Variants in TCEA2 observed in about 807,000 individuals in gnomAD.
TCEA2 encodes transcription elongation factor A protein 2.
A neutral mutation model predicts 40.8 loss-of-function variants in TCEA2; 21 were observed. The ratio of observed to expected loss-of-function variants is 0.51; its 90% CI spans 0.36 to 0.74. The LOEUF is 0.74. Among genes scored for constraint, TCEA2 ranks in the 30% least tolerant of loss-of-function variants. The pLI is 0.00. For missense variants in TCEA2, 326 were observed against 426.5 expected, an observed-to-expected ratio of 0.76 and a Z score of 2.08; for synonymous variants, 165 against 162.7, an observed-to-expected ratio of 1.01 and a Z score of -0.11.
At chr20:64,064,784 T>C (rs2059648574) in intron 1 of TCEA2, among the ~76,000 whole-genome samples, 2 of 152,110 alleles carry the variant, frequency 1.3e-5, no homozygotes, top group African/African-American at 4.8e-5. Flanking sequence ...ATCATTGCGT[T>C]CACACACACC....
upstream of TCEA2, among the ~76,000 whole-genome samples, chr20:64,058,565 C>T (rs994042920): frequency 3.3e-5 from 5 of 152,208 alleles, no homozygotes; most frequent in South Asian, 2.1e-4. The surrounding 1 kb of genome is among the most constrained non-coding windows in gnomAD (Gnocchi z 6.7). Context: ...CAGCAAGGGC[C>T]GAGTCCCAGT....
intron 8 of TCEA2, 144 bp from the exon 9 acceptor site, chr20:64,071,726 G>A: frequency 1.2e-6 from 1 of 863,866 alleles, no homozygotes; most frequent in Non-Finnish European, 1.8e-6. Context: ...GCTCAGCTTT[G>A]GAAGGTTGGA....
chr20:64,068,758 A>C (rs529694289), intron 4 of TCEA2, among the ~76,000 whole-genome samples: 7 of 152,244 alleles, frequency 4.6e-5, no homozygotes, highest in Non-Finnish European at 1.0e-4. Flanking sequence ...GCTTCTGCCA[A>C]CTTCCACAGA....
upstream of TCEA2, among the ~76,000 whole-genome samples, chr20:64,061,096 CTTTTT>C (rs71197441): frequency 1.3e-4 from 8 of 60,528 alleles, no homozygotes; most frequent in African/African-American, 5.2e-4. Context: ...CAGCCTGAGT[CTTTTT>C]TTTTTTTTTT....
chr20:64,061,436 C>T (rs6122049), upstream of TCEA2, among the ~76,000 whole-genome samples: 30,486 of 152,040 alleles, frequency 0.2, 3,358 homozygotes, highest in South Asian at 0.26. Context: ...CCACCACGCC[C>T]GGCTAATTTT....
chr20:64,070,078 G>T, intron 6 of TCEA2, 182 bp from the exon 7 acceptor site: 1 of 981,126 alleles, frequency 1.0e-6, no homozygotes, highest in Admixed American at 2.2e-5. Flanking sequence ...GTCAGGAATG[G>T]GCCTGGGGCA....
intron 6 of TCEA2, 122 bp from the exon 7 acceptor site, chr20:64,070,138 C>T: frequency 6.9e-7 from 1 of 1,452,516 alleles, no homozygotes; most frequent in East Asian, 2.3e-5. Flanking sequence ...GGTGGGCAGA[C>T]CGACCCCTGT....
intron 1 of TCEA2, chr20:64,066,102 G>GC: frequency 1.6e-5 from 3 of 182,142 alleles, no homozygotes; most frequent in Non-Finnish European, 3.5e-5. Context: ...GGCTGCTGGG[G>GC]AGGGGCCGTG....
intron 6 of TCEA2, 95 bp from the exon 7 acceptor site, chr20:64,070,165 T>C: frequency 6.4e-7 from 1 of 1,558,788 alleles, no homozygotes; most frequent in Non-Finnish European, 8.7e-7. Flanking sequence ...GGGCAGAACC[T>C]TTCCAGCCCC....
At chr20:64,066,642 C>G in intron 2 of TCEA2, 104 bp downstream of exon 2, 3 of 1,325,642 alleles carry the variant, frequency 2.3e-6, no homozygotes, top group Non-Finnish European at 1.1e-6. Context: ...CCCCACCAGG[C>G]CTTAGTTGGC....
At chr20:64,070,232 C>T (rs775940365) in intron 6 of TCEA2, 28 bp from the exon 7 acceptor site, 58 of 1,612,128 alleles carry the variant, frequency 3.6e-5, no homozygotes, top group Non-Finnish European at 4.3e-5. Context: ...CGACGTTGTC[C>T]TCAGGTGGGT....
In TCEA2 at chr20:64,066,926, C is replaced by A; in HGVS notation, c.147C>A (p.Val49=). Residue 49 remains valine (V), a synonymous_variant, in exon 3 of 10, where the codon GTC becomes GTA. Transcript: ENST00000343484. ...CACTTGCCTCGTAGTCCACCCGAGTCGGGATGTCTGTCAACGCCCTTCGGA... is the reference window on the plus strand; with the variant it reads ...CACTTGCCTCGTAGTCCACCCGAGTAGGGATGTCTGTCAACGCCCTTCGGA... ...ITLHLLQSTR[V]GMSVNALRKQ... The A allele has an allele frequency of 6.2e-7, 1 of 1,613,914 alleles. No homozygotes were observed. The highest frequency in any genetic ancestry group is 8.5e-7 in the Non-Finnish European group (1 of 1,179,942).
chr20:64,055,788 T>A (rs2059467329), upstream of TCEA2, among the ~76,000 whole-genome samples: 1 of 152,266 alleles, frequency 6.6e-6, no homozygotes, highest in South Asian at 2.1e-4. The surrounding 1 kb of genome is among the most constrained non-coding windows in gnomAD (Gnocchi z 4.0). Context: ...GCTCTGCTTC[T>A]GCCGCGGCGG....
At position 64,063,202 on chromosome 20, in the gene TCEA2, C is replaced by A; in HGVS notation, c.-111C>A. 1 of 970,816 alleles carries A rather than the reference C, an allele frequency of 1.0e-6. No individual in the cohort carries two copies. The highest frequency in any genetic ancestry group is 1.3e-6 in the Non-Finnish European group (1 of 749,080). The allele number at this position is 970,816 out of a possible 1,614,324, so 60.1% of individuals were successfully genotyped here. On this transcript the variant is annotated 5_prime_UTR_variant, in exon 1 of 10. Transcript: ENST00000343484. ...TGAACCGGGGGTCTGTCGTCCGCGG[C>A]GGGGCTGCGTCGGCTGCGGCGGGTG...
At chr20:64,068,163 A>C in intron 4 of TCEA2, 29 bp downstream of exon 4, 1 of 1,571,788 alleles carries the variant, frequency 6.4e-7, no homozygotes, top group Non-Finnish European at 8.7e-7. Context: ...AGGTGCACAC[A>C]CTTCTGCTTC....
chr20:64,058,284 G>A (rs929585426), upstream of TCEA2, among the ~76,000 whole-genome samples: 5 of 152,178 alleles, frequency 3.3e-5, no homozygotes, highest in African/African-American at 7.2e-5. This position sits in a 1 kb window ranked among gnomAD's most constrained non-coding sequence, Gnocchi z 6.7. Context: ...GGCTCCCCAC[G>A]TGCCCTAATG....
upstream of TCEA2, among the ~76,000 whole-genome samples, chr20:64,061,603 G>A (rs530613219): frequency 6.6e-6 from 1 of 151,926 alleles, no homozygotes; most frequent in South Asian, 2.1e-4. Context: ...CAGAGACAGG[G>A]TTTCACCATG....
intron 9 of TCEA2, 70 bp from the exon 10 acceptor site, chr20:64,072,102 C>G: frequency 6.2e-7 from 1 of 1,605,648 alleles, no homozygotes; most frequent in Non-Finnish European, 8.5e-7. Flanking sequence ...TTGGGTGAGC[C>G]TGTGCGGCCT....
Position 64,066,473 on chromosome 20 carries a change from C to T in TCEA2, c.73-3C>T. 2 of 1,613,774 alleles carry T rather than the reference C, an allele frequency of 1.2e-6. No homozygotes were observed. The highest frequency in any genetic ancestry group is 1.7e-6 in the Non-Finnish European group (2 of 1,179,802). On this transcript the variant is annotated splice_region_variant and splice_polypyrimidine_tract_variant and intron_variant, in intron 1 of 9. Coordinates refer to ENST00000343484, the MANE Select transcript of TCEA2 (RefSeq NM_003195.6). ...TTTATGAAGGTCCTCCTTCTCCTTCCAGGAGGGAGCCATGGATTTGCTGCG... is the reference window on the plus strand; with the variant it reads ...TTTATGAAGGTCCTCCTTCTCCTTCTAGGAGGGAGCCATGGATTTGCTGCG...
Sources: gnomAD v4.1 joint callset for allele counts (sites outside exome capture counted in the v4.1 genomes callset) on GRCh38, gnomAD v4.1.1 for gene constraint, Gnocchi (gnomAD v3.1) non-coding constraint, MANE v1.5 for transcripts, NCBI Gene and HGNC (gene_info 2026-07-23, HGNC 2026-07-21) for gene names.